Variants in ADGRB3 observed in about 807,000 individuals in gnomAD.
ADGRB3 encodes brain-specific angiogenesis inhibitor 3.
A neutral mutation model predicts 193.4 loss-of-function variants in ADGRB3; 37 were observed. The ratio of observed to expected loss-of-function variants is 0.19; its 90% CI spans 0.15 to 0.25. The LOEUF is 0.25. ADGRB3 is among the 10% of genes least tolerant of loss of function. The probability of loss-of-function intolerance (pLI) is 1.00; values close to 1 mark genes in which losing one functional copy is unlikely to be tolerated. For missense variants in ADGRB3, 1,637 were observed against 1,852.9 expected (o/e 0.88, Z 2.14); for synonymous variants, 690 against 644.2 (o/e 1.07, Z -1.08).
chr6:68,936,926 ACTT>A (rs1767501215), intron 5 of ADGRB3, among the ~76,000 whole-genome samples: 1 of 152,188 alleles, frequency 6.6e-6, no homozygotes, highest in Non-Finnish European at 1.5e-5. Flanking sequence ...GTGTGTATCT[ACTT>A]CTAATAATAT....
chr6:69,261,064 T>C (rs1766914256), intron 20 of ADGRB3, among the ~76,000 whole-genome samples: 1 of 152,176 alleles, frequency 6.6e-6, no homozygotes, highest in Non-Finnish European at 1.5e-5. Context: ...TCCACATTTT[T>C]TTACTACAGG....
intron 19 of ADGRB3, among the ~76,000 whole-genome samples, chr6:69,236,798 C>A (rs1766276354): frequency 6.6e-6 from 1 of 151,892 alleles, no homozygotes; most frequent in Non-Finnish European, 1.5e-5. Flanking sequence ...ATAAAGTTTT[C>A]TTTAATGCAG....
At chr6:69,145,448 G>T (rs1365052580) in intron 17 of ADGRB3, among the ~76,000 whole-genome samples, 1 of 152,184 alleles carries the variant, frequency 6.6e-6, no homozygotes, top group Non-Finnish European at 1.5e-5. Context: ...CTGGCTCAGG[G>T]AGCTCCTAGG....
At chr6:68,678,765 A>G (rs1764822074) in intron 3 of ADGRB3, among the ~76,000 whole-genome samples, 3 of 152,102 alleles carry the variant, frequency 2.0e-5, no homozygotes. Context: ...GTTACGTAAG[A>G]TTGATCGTAT....
intron 20 of ADGRB3, among the ~76,000 whole-genome samples, chr6:69,299,708 A>G (rs1767909206): frequency 6.6e-6 from 1 of 151,804 alleles, no homozygotes; most frequent in Non-Finnish European, 1.5e-5. Flanking sequence ...ATGGATTTAT[A>G]TCTAGCTTCT....
intron 3 of ADGRB3, among the ~76,000 whole-genome samples, chr6:68,691,625 G>T (rs1266368082): frequency 6.6e-6 from 1 of 151,934 alleles, no homozygotes; most frequent in African/African-American, 2.4e-5. Flanking sequence ...TTTTAGATAT[G>T]ATTTAAGGAT....
intron 20 of ADGRB3, among the ~76,000 whole-genome samples, chr6:69,322,928 T>G (rs572264533): frequency 6.6e-6 from 1 of 152,118 alleles, no homozygotes; most frequent in Admixed American, 6.6e-5. Flanking sequence ...TCTGTGACCA[T>G]ATTATTGTAC....
chr6:68,689,891 T>C (rs1458567626), intron 3 of ADGRB3, among the ~76,000 whole-genome samples: 1 of 152,194 alleles, frequency 6.6e-6, no homozygotes, highest in African/African-American at 2.4e-5. Flanking sequence ...CCCAACATTT[T>C]CAAGCCTGCT....
intron 3 of ADGRB3, among the ~76,000 whole-genome samples, chr6:68,794,862 T>C (rs918706585): frequency 2.6e-5 from 4 of 152,132 alleles, no homozygotes; most frequent in Non-Finnish European, 5.9e-5. Context: ...AAAGTTTCAG[T>C]ACCAGGCAAA....
intron 3 of ADGRB3, among the ~76,000 whole-genome samples, chr6:68,653,728 A>G (rs1271210221): frequency 2.0e-5 from 3 of 152,038 alleles, no homozygotes; most frequent in Non-Finnish European, 4.4e-5. Context: ...TTGTTGAACC[A>G]TGATTGTTAC....
At chr6:68,777,403 A>C (rs1766768438) in intron 3 of ADGRB3, among the ~76,000 whole-genome samples, 1 of 152,110 alleles carries the variant, frequency 6.6e-6, no homozygotes. Context: ...TTTTTGGCAA[A>C]TTATTTTTCC....
intron 15 of ADGRB3, among the ~76,000 whole-genome samples, chr6:69,051,003 A>T (rs1330224578): frequency 6.6e-6 from 1 of 152,198 alleles, no homozygotes; most frequent in African/African-American, 2.4e-5. Flanking sequence ...AAGTCAGGTT[A>T]TTCCAAGTTT....
chr6:68,952,383 T>C (rs995019372), intron 6 of ADGRB3, among the ~76,000 whole-genome samples: 2 of 152,032 alleles, frequency 1.3e-5, no homozygotes, highest in African/African-American at 4.8e-5. Flanking sequence ...TGTGTGTTTA[T>C]ATATATATAG....
At chr6:69,178,597 A>C (rs1048881575) in intron 17 of ADGRB3, among the ~76,000 whole-genome samples, 1 of 152,078 alleles carries the variant, frequency 6.6e-6, no homozygotes, top group Non-Finnish European at 1.5e-5. Flanking sequence ...TCATTCTTTC[A>C]TTTCCATGTT....
chr6:68,737,781 C>T (rs141493738), intron 3 of ADGRB3, among the ~76,000 whole-genome samples: 3 of 152,254 alleles, frequency 2.0e-5, no homozygotes, highest in African/African-American at 4.8e-5. Flanking sequence ...AAAGGTTAGA[C>T]TGAAAGTCTT....
chr6:69,210,169 T>TATATATATATATATATAA (rs1195654301), intron 17 of ADGRB3, among the ~76,000 whole-genome samples: 2 of 131,118 alleles, frequency 1.5e-5, no homozygotes, highest in African/African-American at 3.0e-5. Context: ...TATATATATA[T>TATATATATATATATATAA]AAAGGGGAGT....
At chr6:68,924,945 T>A (rs924961208) in intron 3 of ADGRB3, among the ~76,000 whole-genome samples, 1 of 151,790 alleles carries the variant, frequency 6.6e-6, no homozygotes, top group Non-Finnish European at 1.5e-5. Flanking sequence ...CTGTCATTAT[T>A]GAATTTTGTA....
intron 20 of ADGRB3, among the ~76,000 whole-genome samples, chr6:69,272,913 T>C (rs1192507129): frequency 1.3e-5 from 2 of 152,194 alleles, no homozygotes; most frequent in African/African-American, 4.8e-5. Context: ...TGTTTTGTTT[T>C]GTTTGAGATG....
chr6:68,645,545 T>G (rs1768188892), intron 3 of ADGRB3, among the ~76,000 whole-genome samples: 1 of 152,194 alleles, frequency 6.6e-6, no homozygotes, highest in South Asian at 2.1e-4. Context: ...TAGTAGCACC[T>G]TTGACAAGTG....
Sources: gnomAD v4.1 joint callset for allele counts (sites outside exome capture counted in the v4.1 genomes callset) on GRCh38, gnomAD v4.1.1 for gene constraint, MANE v1.5 for transcripts, NCBI Gene and HGNC (gene_info 2026-07-23, HGNC 2026-07-21) for gene names.